Variants in CA10 observed in about 807,000 individuals in gnomAD.
CA10 encodes carbonic anhydrase-related protein 10.
In CA10, 14 loss-of-function variants were observed where a neutral mutation model predicts 44.2. The observed-to-expected ratio is 0.32, with a 90% confidence interval of 0.21 to 0.50. The LOEUF is 0.50. Among genes scored for constraint, CA10 ranks in the 20% least tolerant of loss-of-function variants. CA10 has a pLI of 0.99. For missense variants in CA10, 350 were observed against 409.7 expected (o/e 0.85, Z 1.26); for synonymous variants, 159 against 141.6 (o/e 1.12, Z -0.87).
intron 3 of CA10, among the ~76,000 whole-genome samples, chr17:51,841,637 A>G (rs930414635): frequency 2.0e-5 from 3 of 152,238 alleles, no homozygotes; most frequent in Non-Finnish European, 4.4e-5. Context: ...ATCACCAAGT[A>G]AACATGGGCA....
chr17:52,139,123 C>T (rs1028091901), intron 1 of CA10, among the ~76,000 whole-genome samples: 2 of 152,012 alleles, frequency 1.3e-5, no homozygotes, highest in Admixed American at 6.5e-5. Context: ...AAGAGAATAT[C>T]CTATGGAGGT....
At chr17:51,790,637 G>A (rs1906483277) in intron 3 of CA10, among the ~76,000 whole-genome samples, 1 of 152,112 alleles carries the variant, frequency 6.6e-6, no homozygotes, top group African/African-American at 2.4e-5. Context: ...TCTTTACACT[G>A]GGAAAAACAA....
intron 1 of CA10, among the ~76,000 whole-genome samples, chr17:52,113,316 A>G (rs183218728): frequency 6.6e-6 from 1 of 152,300 alleles, no homozygotes; most frequent in African/African-American, 2.4e-5. Flanking sequence ...TAAATAGATT[A>G]CACTTCTTTC....
intron 3 of CA10, among the ~76,000 whole-genome samples, chr17:51,812,323 G>A (rs954576677): frequency 2.0e-5 from 3 of 152,146 alleles, no homozygotes; most frequent in African/African-American, 7.2e-5. Context: ...GAGTACATTA[G>A]CATTGGTTGC....
intron 1 of CA10, among the ~76,000 whole-genome samples, chr17:52,151,703 G>A (rs1989706420): frequency 6.6e-6 from 1 of 152,128 alleles, no homozygotes. Context: ...CAGTGATGAT[G>A]ATGATGATAA....
intron 3 of CA10, among the ~76,000 whole-genome samples, chr17:51,861,244 C>G (rs900360951): frequency 6.6e-6 from 1 of 152,136 alleles, no homozygotes; most frequent in Non-Finnish European, 1.5e-5. Context: ...TTGCTGGCCT[C>G]GCTTTTTCAT....
intron 2 of CA10, among the ~76,000 whole-genome samples, chr17:51,960,144 T>A (rs1342539970): frequency 1.3e-5 from 2 of 151,808 alleles, no homozygotes; most frequent in East Asian, 3.9e-4. Context: ...ACTGGATGAA[T>A]GCAATAGCAG....
chr17:51,846,373 G>T (rs548152031), intron 3 of CA10, among the ~76,000 whole-genome samples: 7 of 152,350 alleles, frequency 4.6e-5, no homozygotes, highest in African/African-American at 1.7e-4. Context: ...AAGCTCTGAT[G>T]ACTGTCTGAG....
chr17:51,856,861 C>T (rs986115742), intron 3 of CA10, among the ~76,000 whole-genome samples: 1 of 152,138 alleles, frequency 6.6e-6, no homozygotes, highest in Non-Finnish European at 1.5e-5. Flanking sequence ...AATGGTTCTA[C>T]ATGTAGAGAA....
At chr17:52,019,116 T>C (rs184143520) in intron 2 of CA10, among the ~76,000 whole-genome samples, 27 of 152,224 alleles carry the variant, frequency 1.8e-4, no homozygotes, top group Non-Finnish European at 3.8e-4. Flanking sequence ...CCAGCAGAGC[T>C]ATGAGACAAA....
chr17:51,924,195 G>A (rs747647103), intron 3 of CA10, among the ~76,000 whole-genome samples: 27 of 152,170 alleles, frequency 1.8e-4, no homozygotes, highest in Non-Finnish European at 2.9e-4. Flanking sequence ...CAGGGGTTCG[G>A]ACTCCTTAGG....
At chr17:52,059,704 A>G (rs1203168119) in intron 2 of CA10, among the ~76,000 whole-genome samples, 1 of 152,146 alleles carries the variant, frequency 6.6e-6, no homozygotes, top group Non-Finnish European at 1.5e-5. Context: ...AAAAAAAAAG[A>G]AAACTCAATG....
chr17:51,948,613 C>T (rs1983370847), intron 2 of CA10, among the ~76,000 whole-genome samples: 1 of 152,186 alleles, frequency 6.6e-6, no homozygotes, highest in South Asian at 2.1e-4. Context: ...GTCCCTTCTC[C>T]TTATTCTGCC....
intron 1 of CA10, among the ~76,000 whole-genome samples, chr17:52,114,502 C>A (rs1236855903): frequency 6.6e-6 from 1 of 152,186 alleles, no homozygotes; most frequent in African/African-American, 2.4e-5. Context: ...GCCAAATGTG[C>A]TAATACATGT....
At chr17:52,042,213 C>A (rs757892812) in intron 2 of CA10, among the ~76,000 whole-genome samples, 1 of 152,008 alleles carries the variant, frequency 6.6e-6, no homozygotes, top group Admixed American at 6.6e-5. Context: ...TTTCCATCAA[C>A]GGTGTATAAG....
At chr17:51,850,500 G>T (rs529296789) in intron 3 of CA10, among the ~76,000 whole-genome samples, 5 of 152,236 alleles carry the variant, frequency 3.3e-5, no homozygotes, top group African/African-American at 1.2e-4. Flanking sequence ...AAGGGGTGAG[G>T]TCTCTGTAAT....
intron 2 of CA10, among the ~76,000 whole-genome samples, chr17:52,004,156 T>C (rs1304955738): frequency 6.6e-6 from 1 of 151,962 alleles, no homozygotes; most frequent in Non-Finnish European, 1.5e-5. Flanking sequence ...TAAAAATTCA[T>C]TGAATTATGC....
chr17:51,761,995 A>T (rs559530602), intron 3 of CA10: 5 of 152,344 alleles, frequency 3.3e-5, no homozygotes, highest in African/African-American at 1.2e-4. Context: ...TTCTAACTAG[A>T]GATCATATCT....
intron 6 of CA10, among the ~76,000 whole-genome samples, chr17:51,637,418 C>T (rs1443571975): frequency 2.0e-5 from 3 of 152,294 alleles, no homozygotes; most frequent in Non-Finnish European, 2.9e-5. Context: ...CCCAGGCATA[C>T]CATGAGCACC....
Sources: gnomAD v4.1 joint callset for allele counts (sites outside exome capture counted in the v4.1 genomes callset) on GRCh38, gnomAD v4.1.1 for gene constraint, MANE v1.5 for transcripts, NCBI Gene and HGNC (gene_info 2026-07-23, HGNC 2026-07-21) for gene names.